Variants in ARHGEF40 observed in about 807,000 individuals in gnomAD.
ARHGEF40 encodes Rho guanine nucleotide exchange factor (GEF) 40.
In ARHGEF40, 98 loss-of-function variants were observed where a neutral mutation model predicts 165.9. The ratio of observed to expected loss-of-function variants is 0.59; its 90% confidence interval spans 0.50 to 0.70. ARHGEF40 has a LOEUF of 0.70. ARHGEF40 is among the 30% of genes least tolerant of loss of function. ARHGEF40 has a pLI of 0.00. For missense variants in ARHGEF40, 1,815 were observed against 1,968.0 expected (o/e 0.92, Z 1.47); for synonymous variants, 792 against 814.3 (o/e 0.97, Z 0.47).
chr14:21,065,757 A>G (rs1281462305), upstream of ARHGEF40, among the ~76,000 whole-genome samples: 1 of 152,222 alleles, frequency 6.6e-6, no homozygotes. Context: ...AAGAGCAAAA[A>G]GGTGCCAAAT....
At chr14:21,071,444 C>A (rs1293859541) in intron 1 of ARHGEF40, among the ~76,000 whole-genome samples, 3 of 152,106 alleles carry the variant, frequency 2.0e-5, no homozygotes, top group Non-Finnish European at 2.9e-5. Context: ...ACTGGGGCCG[C>A]CCCTCTACGG....
upstream of ARHGEF40, chr14:21,070,158 G>A (rs1886573167): frequency 1.3e-5 from 3 of 229,242 alleles, no homozygotes; most frequent in Admixed American, 1.1e-4. This position sits in a 1 kb window ranked among gnomAD's most constrained non-coding sequence, Gnocchi z 4.7. Flanking sequence ...ACAGAGTCCC[G>A]GCAAGGGGTC....
rs1222388283 is a variant in ARHGEF40 at position 21,073,181 on chromosome 14, ACACGCTGGACTTCCTGGTACCAGCCAAG to A, written c.144_171del (p.Leu49CysfsTer35). The stretch of plus-strand genomic sequence containing the variant: ...ACTTATCGGGAGGACGCACTGAGGT[ACACGCTGGACTTCCTGGTACCAGCCAAG>A]CACCTGCTTGCCAAGGTCCAGCAGG... On this transcript the variant is annotated frameshift_variant, in exon 2 of 24. Coordinates refer to ENST00000298694, the MANE Select transcript of ARHGEF40 (RefSeq NM_018071.5). LOFTEE classifies it high-confidence loss of function. This position sits in a 1 kb window ranked among gnomAD's most constrained non-coding sequence, Gnocchi z 4.6. The A allele has an allele frequency of 6.2e-7, 1 of 1,614,058 alleles. No homozygotes were observed. Among genetic ancestry groups the A allele is most frequent in the Non-Finnish European group, 8.5e-7 (1 of 1,180,000 alleles).
chr14:21,070,302 C>G, upstream of ARHGEF40: 2 of 1,341,030 alleles, frequency 1.5e-6, no homozygotes, highest in Non-Finnish European at 1.9e-6. This position sits in a 1 kb window ranked among gnomAD's most constrained non-coding sequence, Gnocchi z 4.7. Flanking sequence ...TGTCCCTTAG[C>G]CAGACCCGGC....
chr14:21,081,742 G>A lies in ARHGEF40; in HGVS notation c.2874G>A (p.Glu958=). ...GGAGGATCCAGCAACACGTGGGAGAGGAGGCGAGCCCACGGGGCTACCGAC... is the reference window on the plus strand; with the variant it reads ...GGAGGATCCAGCAACACGTGGGAGAAGAGGCGAGCCCACGGGGCTACCGAC... ...LERRIQQHVG[E]EASPRGYRRR... The change falls in exon 14 of 24, where the codon GAG becomes GAA. Residue 958 remains glutamate (E), a synonymous_variant. Transcript: ENST00000298694. 6 of 1,578,758 alleles carry A rather than the reference G, an allele frequency of 3.8e-6. No individual in the cohort carries two copies. The highest frequency in any genetic ancestry group is 5.2e-6 in the Non-Finnish European group (6 of 1,162,404).
chr14:21,079,747 T>G (rs1887720699), intron 11 of ARHGEF40, among the ~76,000 whole-genome samples: 1 of 152,104 alleles, frequency 6.6e-6, no homozygotes, highest in Admixed American at 6.5e-5. Context: ...TTTCCTAGGA[T>G]TTCTTCATAT....
chr14:21,076,922 G>A (rs1182659306), intron 8 of ARHGEF40, 32 bp downstream of exon 8: 3 of 1,568,188 alleles, frequency 1.9e-6, no homozygotes, highest in East Asian at 4.5e-5. Context: ...TAGCATGCTG[G>A]GAGCCAGGAA....
the ARHGEF40 span, among the ~76,000 whole-genome samples, chr14:21,063,104 T>C: frequency 1.3e-5 from 2 of 152,104 alleles, no homozygotes; most frequent in African/African-American, 4.8e-5. Context: ...TACTCCAGGC[T>C]GGGCAACGGA....
At position 21,075,443 on chromosome 14, in the gene ARHGEF40, C is replaced by A; in HGVS notation, c.1562C>A (p.Ser521Tyr). ...GAAGAGGCCCTTGCAGTCTCCGTCT[C>A]TGATCACCCTGATGTAGCTTGGGAC... ...IPEEALAVSV[S>Y]DHPDVAWDLM... is the part of the protein sequence containing the mutation. The change falls in exon 4 of 24, where the codon TCT becomes TAT. Residue 521 changes from serine (S) to tyrosine (Y), a missense_variant. Transcript: ENST00000298694. The surrounding 1 kb of genome is among the most constrained non-coding windows in gnomAD (Gnocchi z 4.5). The A allele has an allele frequency of 6.2e-7, 1 of 1,614,200 alleles. No homozygotes were observed. Among genetic ancestry groups the A allele is most frequent in the Non-Finnish European group, 8.5e-7 (1 of 1,180,036 alleles).
intron 11 of ARHGEF40, among the ~76,000 whole-genome samples, chr14:21,080,272 G>A (rs1343215667): frequency 6.7e-6 from 1 of 150,140 alleles, no homozygotes; most frequent in Non-Finnish European, 1.5e-5. Context: ...GTTTCTCCAG[G>A]CTTGGTCCCT....
Position 21,074,584 on chromosome 14 carries a change from G to C in ARHGEF40, c.854G>C (p.Arg285Thr), listed in dbSNP as rs1887247513. The change falls in exon 3 of 24, where the codon AGA becomes ACA. Residue 285 changes from arginine to threonine, a missense_variant. Arg to Thr is a moderately conservative substitution (Grantham distance 71). Coordinates refer to ENST00000298694, the MANE Select transcript of ARHGEF40 (RefSeq NM_018071.5). The surrounding 1 kb of genome is among the most constrained non-coding windows in gnomAD (Gnocchi z 4.8). Reference protein sequence around the residue: ...KGAGGKGRHRRHRAWMHQKGL... With the variant: ...KGAGGKGRHRTHRAWMHQKGL... ...GCTGGAGGGAAGGGCCGCCACCGGAGACACCGGGCGTGGATGCACCAGAAG... is the reference window on the plus strand; with the variant it reads ...GCTGGAGGGAAGGGCCGCCACCGGACACACCGGGCGTGGATGCACCAGAAG... 1.3e-6 allele frequency: 2 copies of C among 1,560,462 alleles called. No individual in the cohort carries two copies. Among genetic ancestry groups the C allele is most frequent in the Non-Finnish European group, 1.7e-6 (2 of 1,153,190 alleles).
Position 21,072,944 on chromosome 14 carries a change from C to T in ARHGEF40, c.4-101C>T, listed in dbSNP as rs1368691008. ...TCACTTTTTGCCCACATTGTACAAT[C>T]GGGGCTTTGGAGAACACAGCCAACC... On this transcript the variant is annotated intron_variant, in intron 1 of 23. Coordinates refer to ENST00000298694, the MANE Select transcript of ARHGEF40 (RefSeq NM_018071.5). This position sits in a 1 kb window ranked among gnomAD's most constrained non-coding sequence, Gnocchi z 4.1. The T allele has an allele frequency of 9.2e-6, 11 of 1,201,502 alleles. No homozygotes were observed. The highest frequency in any genetic ancestry group is 2.8e-5 in the South Asian group (2 of 71,718). 74.4% of individuals were successfully genotyped at this position (1,201,502 alleles called of 1,614,324 possible). A position where few individuals can be genotyped will look rare whatever the true frequency, so the allele number is the denominator to read the frequency against.
In ARHGEF40 at chr14:21,078,866, T is replaced by A; in HGVS notation, c.2247-18T>A. ...CTCAACAAGGGAAATGATTCATTCT[T>A]CTCTGCTCCTTCCCAAGGCTGGAGG... On this transcript the variant is annotated intron_variant, in intron 10 of 23. Transcript: ENST00000298694. The A allele has an allele frequency of 6.2e-7, 1 of 1,610,324 alleles. No homozygotes were observed. Among genetic ancestry groups the A allele is most frequent in the East Asian group, 2.2e-5 (1 of 44,738 alleles).
chr14:21,063,160 G>A, the ARHGEF40 span, among the ~76,000 whole-genome samples: 19 of 151,790 alleles, frequency 1.3e-4, no homozygotes, highest in African/African-American at 4.6e-4. Context: ...AACAAAAAAC[G>A]GATTTTAAGC....
At position 21,081,645 on chromosome 14, in the gene ARHGEF40, C is replaced by A; in HGVS notation, c.2777C>A (p.Ala926Asp). The A allele has an allele frequency of 6.2e-7, 1 of 1,608,444 alleles. No individual in the cohort carries two copies. The highest frequency in any genetic ancestry group is 8.5e-7 in the Non-Finnish European group (1 of 1,178,112). Residue 926 changes from alanine to aspartate, a missense_variant, in exon 14 of 24, where the codon GCC (alanine) becomes GAC (aspartate). Transcript: ENST00000298694. ...ACCTTCCAGGAGATGCGGGCCCTGGCCCTGGACCTGGGCAGCCCAGCAGCC... is the reference window on the plus strand; with the variant it reads ...ACCTTCCAGGAGATGCGGGCCCTGGACCTGGACCTGGGCAGCCCAGCAGCC... ...AGTFQEMRAL[A>D]LDLGSPAALR...
chr14:21,088,937 C>T, intron 23 of ARHGEF40, 61 bp downstream of exon 23: 1 of 1,531,494 alleles, frequency 6.5e-7, no homozygotes, highest in Non-Finnish European at 9.0e-7. Flanking sequence ...CATGTACCTT[C>T]CTTCCTGTCC....
chr14:21,070,288 G>C, upstream of ARHGEF40: 1 of 1,208,016 alleles, frequency 8.3e-7, no homozygotes, highest in Non-Finnish European at 1.0e-6. The surrounding 1 kb of genome is among the most constrained non-coding windows in gnomAD (Gnocchi z 4.7). Context: ...ACCGCGGCCG[G>C]AGCTGTCCCT....
intron 1 of ARHGEF40, among the ~76,000 whole-genome samples, chr14:21,071,978 T>G (rs771138859): frequency 6.6e-6 from 1 of 152,106 alleles, no homozygotes; most frequent in African/African-American, 2.4e-5. Flanking sequence ...TTTTGTTTTA[T>G]GGCAAAGGCA....
Position 21,074,118 on chromosome 14 carries a change from C to A in ARHGEF40, c.388C>A (p.Arg130=). Residue 130 remains arginine (R), a synonymous_variant, in exon 3 of 24, where the codon CGG becomes AGG. Transcript: ENST00000298694. The surrounding 1 kb of genome is among the most constrained non-coding windows in gnomAD (Gnocchi z 4.8). Reference sequence around the variant, plus strand: ...CAAGTGTCTGGCCCCTGGGGGTGGGCGGGTGCAGGAGGTTCCTGTGCCCAA... The same window carrying A: ...CAAGTGTCTGGCCCCTGGGGGTGGGAGGGTGCAGGAGGTTCCTGTGCCCAA... ...ALKCLAPGGG[R]VQEVPVPNEA... is the part of the protein sequence containing the mutation. 6.2e-7 allele frequency: 1 copy of A among 1,614,086 alleles called. No individual in the cohort carries two copies. The highest frequency in any genetic ancestry group is 1.3e-5 in the African/African-American group (1 of 75,030).
Sources: gnomAD v4.1 joint callset for allele counts (sites outside exome capture counted in the v4.1 genomes callset) on GRCh38, gnomAD v4.1.1 for gene constraint, Gnocchi (gnomAD v3.1) non-coding constraint, MANE v1.5 for transcripts, NCBI Gene and HGNC (gene_info 2026-07-23, HGNC 2026-07-21) for gene names.